Variants in ZNF749 observed in about 807,000 individuals in gnomAD.
ZNF749 encodes zinc finger protein 749.
Under a neutral mutation model 7.3 loss-of-function variants are expected in ZNF749, and 8 were observed. That is an observed-to-expected ratio of 1.10 (90% confidence interval 0.64 to 1.98). ZNF749 has a LOEUF of 1.98. Ranked by LOEUF, ZNF749 falls within the 30% of genes most tolerant of loss-of-function variation. ZNF749 has a pLI of 0.00. For synonymous variants in ZNF749, 310 were observed against 322.4 expected, an observed-to-expected ratio of 0.96 and a Z score of 0.41; for missense variants, 898 against 932.4, an observed-to-expected ratio of 0.96 and a Z score of 0.48.
At position 57,436,372 on chromosome 19, in the gene ZNF749, G is replaced by A. The variant is rs186406803; in HGVS notation, c.15+779G>A. ...TTGGCCTGTGGATCAGATTGAGAAGGAAGAATCCTACATCGTTTTTTCATA... is the reference window on the plus strand; with the variant it reads ...TTGGCCTGTGGATCAGATTGAGAAGAAAGAATCCTACATCGTTTTTTCATA... On this transcript the variant is annotated intron_variant, in intron 1 of 2. Transcript: ENST00000334181. This position sits in a 1 kb window ranked among gnomAD's most constrained non-coding sequence, Gnocchi z 4.0. Among the ~76,000 whole-genome samples the A allele has an allele frequency of 5.8e-4, 89 of 152,236 alleles. No homozygotes were observed. The highest frequency in any genetic ancestry group is 2.0e-3 in the African/African-American group (85 of 41,546).
At chr19:57,429,760 T>C in the ZNF749 span, among the ~76,000 whole-genome samples, 7,583 of 152,238 alleles carry the variant, frequency 0.05, 573 homozygotes, top group African/African-American at 0.17. The surrounding 1 kb of genome is among the most constrained non-coding windows in gnomAD (Gnocchi z 4.2). Flanking sequence ...GTGATCCTCC[T>C]ACCTCAGCCT....
At position 57,438,251 on chromosome 19, in the gene ZNF749, G is replaced by C. The variant is rs978648457; in HGVS notation, c.15+2658G>C. The C allele has an allele frequency of 3.3e-5, 13 of 391,754 alleles. No homozygotes were observed. The East Asian group carries it at 4.3e-4, about 13-fold the overall frequency. 24.3% of individuals were successfully genotyped at this position (391,754 alleles called of 1,614,324 possible). A position where few individuals can be genotyped will look rare whatever the true frequency, so the allele number is the denominator to read the frequency against. ...GAATGCTGAAGGCAGTCACGACCCA[G>C]GCACAAGTGTTTCTTGTGATTAGGC... is the stretch of plus-strand genomic sequence containing the variant. On this transcript the variant is annotated intron_variant, in intron 1 of 2. Transcript: ENST00000334181.
In ZNF749 at chr19:57,446,772, A is replaced by G. The variant is rs2089070270; in HGVS notation, c.*1287A>G. Among the ~76,000 whole-genome samples, 1 of 152,220 alleles carries G rather than the reference A, an allele frequency of 6.6e-6. No homozygotes were observed. The highest frequency in any genetic ancestry group is 1.5e-5 in the Non-Finnish European group (1 of 68,026). ...GCACCTAGGCTATATGATATGGTCCATTGCGCCTCAGATATAAACCTTAAC... is the reference window on the plus strand; with the variant it reads ...GCACCTAGGCTATATGATATGGTCCGTTGCGCCTCAGATATAAACCTTAAC... On this transcript the variant is annotated 3_prime_UTR_variant, in exon 3 of 3. Coordinates refer to ENST00000334181, the MANE Select transcript of ZNF749 (RefSeq NM_001023561.4).
intron 1 of ZNF749, among the ~76,000 whole-genome samples, chr19:57,440,360 A>G (rs1273000605): frequency 6.6e-6 from 1 of 151,748 alleles, no homozygotes; most frequent in Non-Finnish European, 1.5e-5. Flanking sequence ...ATGGGAAAAC[A>G]TGTACATTGC....
upstream of ZNF749, among the ~76,000 whole-genome samples, chr19:57,433,325 G>A (rs979414309): frequency 6.6e-6 from 1 of 152,068 alleles, no homozygotes; most frequent in Non-Finnish European, 1.5e-5. Flanking sequence ...TGGCTTCCTG[G>A]CCTTGTTGCT....
rs539718079 is a variant in ZNF749 at position 57,445,736 on chromosome 19, C to T, written c.*251C>T. ...CTGAGGTCAGGAGTTTGAGACCAGC[C>T]GGGCCAACATGGTGAAGCCCCATCT... On this transcript the variant is annotated 3_prime_UTR_variant, in exon 3 of 3. Coordinates refer to ENST00000334181, the MANE Select transcript of ZNF749 (RefSeq NM_001023561.4). Among the ~76,000 whole-genome samples the T allele has an allele frequency of 3.9e-5, 6 of 152,162 alleles. No individual in the cohort carries two copies. Among genetic ancestry groups the T allele is most frequent in the African/African-American group, 1.2e-4 (5 of 41,508 alleles).
In ZNF749 at chr19:57,442,220, A is replaced by G. The variant is rs2088998426; in HGVS notation, c.142+209A>G. Among the ~76,000 whole-genome samples, 1 of 152,126 alleles carries G rather than the reference A, an allele frequency of 6.6e-6. No homozygotes were observed. Among genetic ancestry groups the G allele is most frequent in the Non-Finnish European group, 1.5e-5 (1 of 68,026 alleles). ...CAGCCCCAGCTTCTGTTGCTCTGAA[A>G]CTTTACAAGATAAGGCTCGGAAGTC... On this transcript the variant is annotated intron_variant, in intron 2 of 2. Transcript: ENST00000334181. This position sits in a 1 kb window ranked among gnomAD's most constrained non-coding sequence, Gnocchi z 6.6.
At position 57,446,039 on chromosome 19, in the gene ZNF749, CAATT is replaced by C. The variant is rs1303234916; in HGVS notation, c.*558_*561del. On this transcript the variant is annotated 3_prime_UTR_variant, in exon 3 of 3. Transcript: ENST00000334181. ...AGTGTTAAGTCATTCGCATTGTTGT[CAATT>C]AATATCCAGAAGTTTTTTCAACTTA... Among the ~76,000 whole-genome samples the C allele has an allele frequency of 6.6e-6, 1 of 152,146 alleles. No individual in the cohort carries two copies. Among genetic ancestry groups the C allele is most frequent in the Non-Finnish European group, 1.5e-5 (1 of 68,024 alleles).
rs541074545 is a variant in ZNF749, at chr19:57,443,261, T to G, written c.143-30T>G. The G allele has an allele frequency of 2.0e-5, 31 of 1,561,346 alleles. No homozygotes were observed. The Admixed American group carries it at 2.1e-4, about 11-fold the overall frequency. ...CTGTCTCCTCCCTCCGGAGTTCACG[T>G]GCACTTCACCAGCATTTCTGTTCTT... On this transcript the variant is annotated intron_variant, in intron 2 of 2. Coordinates refer to ENST00000334181, the MANE Select transcript of ZNF749 (RefSeq NM_001023561.4).
upstream of ZNF749, among the ~76,000 whole-genome samples, chr19:57,431,676 AG>A (rs1289150229): frequency 6.6e-6 from 1 of 152,074 alleles, no homozygotes; most frequent in Non-Finnish European, 1.5e-5. Context: ...AAAAAAAAAA[AG>A]AAAAAGAAGA....
intron 1 of ZNF749, among the ~76,000 whole-genome samples, chr19:57,437,202 A>T (rs2088943740): frequency 6.6e-6 from 1 of 152,126 alleles, no homozygotes; most frequent in Non-Finnish European, 1.5e-5. Flanking sequence ...CTGACATCTC[A>T]TATATTCTTG....
upstream of ZNF749, among the ~76,000 whole-genome samples, chr19:57,430,970 G>T (rs749942085): frequency 2.7e-5 from 4 of 149,722 alleles, no homozygotes; most frequent in Non-Finnish European, 5.9e-5. Context: ...AACCCGGGAG[G>T]CAGAGATTGC....
upstream of ZNF749, among the ~76,000 whole-genome samples, chr19:57,431,649 T>C (rs2088899289): frequency 6.6e-6 from 1 of 150,610 alleles, no homozygotes; most frequent in South Asian, 2.1e-4. Flanking sequence ...AATGCCTAAT[T>C]CTCTGGACAA....
rs565466966 is a variant in ZNF749, at chr19:57,435,599, T to G, written c.15+6T>G. On this transcript the variant is annotated splice_donor_region_variant and intron_variant, in intron 1 of 2. Transcript: ENST00000334181. Reference sequence around the variant, plus strand: ...CGCCGATGAACCTGACCGAGGTGCGTGCAGCGTCCCAGGCCGCCCCGCCCA... The same window carrying G: ...CGCCGATGAACCTGACCGAGGTGCGGGCAGCGTCCCAGGCCGCCCCGCCCA... The G allele has an allele frequency of 1.2e-5, 19 of 1,605,786 alleles. 1 individual carries two copies. The South Asian group carries it at 2.0e-4, about 17-fold the overall frequency.
At chr19:57,443,270 C>T (rs1397928191) in intron 2 of ZNF749, 21 bp from the exon 3 acceptor site, 1 of 1,573,572 alleles carries the variant, frequency 6.4e-7, no homozygotes. Context: ...GTGCACTTCA[C>T]CAGCATTTCT....
chr19:57,446,348 C>A lies in ZNF749; in HGVS notation c.*863C>A, dbSNP rs1391252703. On this transcript the variant is annotated 3_prime_UTR_variant, in exon 3 of 3. Transcript: ENST00000334181. ...GAAACTGTCTGCCCCCTCCTCTGTCCCTGATGCGTGGAAAAATTGGCTTCC... is the reference window on the plus strand; with the variant it reads ...GAAACTGTCTGCCCCCTCCTCTGTCACTGATGCGTGGAAAAATTGGCTTCC... 6.6e-6 allele frequency among the ~76,000 whole-genome samples: 1 copy of A among 152,122 alleles called. No individual in the cohort carries two copies. The highest frequency in any genetic ancestry group is 1.5e-5 in the Non-Finnish European group (1 of 68,022).
chr19:57,445,186 C>T lies in ZNF749; in HGVS notation c.2038C>T (p.Arg680Cys), dbSNP rs1272807516. 9.9e-6 allele frequency: 16 copies of T among 1,613,904 alleles called. No individual in the cohort carries two copies. The highest frequency in any genetic ancestry group is 3.3e-5 in the Admixed American group (2 of 59,984). Residue 680 changes from arginine (R) to cysteine (C), a missense_variant, in exon 3 of 3, where the codon CGC becomes TGC. Physicochemically the swap from Arg to Cys is radical, Grantham distance 180. Transcript: ENST00000334181. ...CSNCGKFLRY[R>C]STFIKHHKVC... ...CAACTGTGGGAAGTTTCTTAGATAC[C>T]GCTCTACATTCATTAAACATCATAA...
intron 1 of ZNF749, 90 bp downstream of exon 1, chr19:57,435,683 C>T (rs544543347): frequency 2.0e-6 from 3 of 1,528,184 alleles, no homozygotes; most frequent in East Asian, 2.4e-5. Context: ...GCCCTTGTGT[C>T]TCTAAGAGAG....
At chr19:57,434,367 G>A (rs895236596), upstream of ZNF749, among the ~76,000 whole-genome samples, 7 of 152,180 alleles carry the variant, frequency 4.6e-5, no homozygotes, top group African/African-American at 1.7e-4. Context: ...AAAGTGCTGG[G>A]ATTACAGGCG....
Sources: gnomAD v4.1 joint callset for allele counts (sites outside exome capture counted in the v4.1 genomes callset) on GRCh38, gnomAD v4.1.1 for gene constraint, Gnocchi (gnomAD v3.1) non-coding constraint, MANE v1.5 for transcripts, NCBI Gene and HGNC (gene_info 2026-07-23, HGNC 2026-07-21) for gene names.